Variants in EPS15 observed in about 807,000 individuals in gnomAD.
EPS15 encodes epidermal growth factor receptor substrate 15.
Under a neutral mutation model 113.8 loss-of-function variants are expected in EPS15, and 72 were observed. The ratio of observed to expected loss-of-function variants is 0.63; its 90% CI spans 0.52 to 0.77. EPS15 has a LOEUF of 0.77. EPS15 is among the 30% of genes least tolerant of loss of function. The probability of loss-of-function intolerance (pLI) is 0.00; values close to 1 mark genes in which losing one functional copy is unlikely to be tolerated. For synonymous variants in EPS15, 344 were observed against 363.4 expected (o/e 0.95, Z 0.61); for missense variants, 1,048 against 1,045.8 (o/e 1.00, Z -0.03).
At chr1:51,450,490 T>C (rs1653453722) in intron 8 of EPS15, among the ~76,000 whole-genome samples, 1 of 151,762 alleles carries the variant, frequency 6.6e-6, no homozygotes, top group African/African-American at 2.4e-5. Flanking sequence ...TATTTGACAG[T>C]TACTCCTTTC....
intron 23 of EPS15, among the ~76,000 whole-genome samples, 161 bp downstream of exon 23, chr1:51,363,705 T>C (rs934777049): frequency 6.6e-5 from 10 of 152,260 alleles, no homozygotes; most frequent in Non-Finnish European, 1.5e-4. Context: ...AGTGCATGTC[T>C]GTAATTCAGC....
At chr1:51,457,981 A>G (rs1263862730) in intron 8 of EPS15, 4 of 152,222 alleles carry the variant, frequency 2.6e-5, no homozygotes, top group Non-Finnish European at 5.9e-5. Flanking sequence ...AAGTGCTATT[A>G]TCTTAAAAAC....
intron 24 of EPS15, 42 bp downstream of exon 24, chr1:51,361,129 T>TAATCTC: frequency 6.8e-7 from 1 of 1,473,992 alleles, no homozygotes; most frequent in Non-Finnish European, 9.3e-7. Context: ...CTGAAAACTC[T>TAATCTC]TTAAAGATTT....
intron 1 of EPS15, among the ~76,000 whole-genome samples, chr1:51,484,742 T>C (rs890192806): frequency 1.3e-5 from 2 of 152,204 alleles, no homozygotes; most frequent in Non-Finnish European, 2.9e-5. Context: ...TCTTGCAAAA[T>C]ATTAGGAGAA....
At chr1:51,412,821 A>G (rs566661298) in intron 13 of EPS15, among the ~76,000 whole-genome samples, 52 of 152,300 alleles carry the variant, frequency 3.4e-4, no homozygotes, top group African/African-American at 1.1e-3. Flanking sequence ...TCTCTCTTTA[A>G]GCTGTTTACC....
At chr1:51,447,159 T>A (rs1653129875) in intron 9 of EPS15, 54 bp from the exon 10 acceptor site, 10 of 1,488,384 alleles carry the variant, frequency 6.7e-6, no homozygotes, top group South Asian at 1.3e-5. Context: ...AACTTTGAAG[T>A]GTCACTCTTT....
intron 3 of EPS15, among the ~76,000 whole-genome samples, chr1:51,472,157 C>A (rs923724932): frequency 6.6e-6 from 1 of 152,076 alleles, no homozygotes; most frequent in African/African-American, 2.4e-5. Flanking sequence ...GATACTAAGG[C>A]CCAATGAGGG....
intron 8 of EPS15, among the ~76,000 whole-genome samples, chr1:51,457,129 CA>C (rs897520870): frequency 6.6e-6 from 1 of 151,294 alleles, no homozygotes; most frequent in Non-Finnish European, 1.5e-5. Flanking sequence ...ACTAAAAATA[CA>C]AAAAAAATTA....
chr1:51,506,478 C>T (rs1232215476), intron 1 of EPS15, among the ~76,000 whole-genome samples: 1 of 152,002 alleles, frequency 6.6e-6, no homozygotes, highest in Admixed American at 6.6e-5. Flanking sequence ...GTCAATTATA[C>T]ATTTAAAAAC....
At chr1:51,394,656 T>C (rs967599429) in intron 20 of EPS15, among the ~76,000 whole-genome samples, 1 of 152,176 alleles carries the variant, frequency 6.6e-6, no homozygotes, top group African/African-American at 2.4e-5. Context: ...AAATATAACA[T>C]CTATTCAGAA....
At position 51,406,119 on chromosome 1, in the gene EPS15, A is replaced by G. The variant is rs1345941796; in HGVS notation, c.1474-11T>C. Reference sequence around the variant, plus strand: ...CAGTTTCATTTGCATCTGCCAACACAAAGAAGAAATATAGAACAGAATTTA... The same window carrying G: ...CAGTTTCATTTGCATCTGCCAACACGAAGAAGAAATATAGAACAGAATTTA... On this transcript the variant is annotated splice_polypyrimidine_tract_variant and intron_variant, in intron 15 of 24. Coordinates refer to ENST00000371733, the MANE Select transcript of EPS15 (RefSeq NM_001981.3). The G allele has an allele frequency of 1.2e-6, 2 of 1,609,568 alleles. No homozygotes were observed. Among genetic ancestry groups the G allele is most frequent in the South Asian group, 1.1e-5 (1 of 90,880 alleles).
intron 11 of EPS15, among the ~76,000 whole-genome samples, chr1:51,443,671 C>T (rs2148478064): frequency 6.6e-6 from 1 of 151,746 alleles, no homozygotes; most frequent in South Asian, 2.1e-4. Flanking sequence ...TTTTAAGAGA[C>T]AGGGTCTTGC....
chr1:51,438,247 T>C (rs1458961229), intron 12 of EPS15, among the ~76,000 whole-genome samples: 1 of 152,174 alleles, frequency 6.6e-6, no homozygotes. Context: ...AATGTGACTA[T>C]ACCCTAAAAA....
At chr1:51,392,428 G>C (rs2148403153) in intron 21 of EPS15, among the ~76,000 whole-genome samples, 2 of 152,156 alleles carry the variant, frequency 1.3e-5, no homozygotes, top group South Asian at 4.1e-4. Context: ...CACCCTCCTA[G>C]GCTATTATCA....
chr1:51,501,770 C>T (rs866889650), intron 1 of EPS15, among the ~76,000 whole-genome samples: 1 of 152,116 alleles, frequency 6.6e-6, no homozygotes, highest in South Asian at 2.1e-4. Flanking sequence ...AGAGCGGCTG[C>T]ACCCTGCCAC....
intron 21 of EPS15, among the ~76,000 whole-genome samples, chr1:51,392,489 CAGA>C (rs1647482336): frequency 6.6e-6 from 1 of 152,262 alleles, no homozygotes; most frequent in African/African-American, 2.4e-5. Flanking sequence ...GGAATTTAAG[CAGA>C]AGATCAACAG....
At chr1:51,389,627 G>A (rs1418993700) in intron 21 of EPS15, among the ~76,000 whole-genome samples, 13 of 152,224 alleles carry the variant, frequency 8.5e-5, no homozygotes, top group Admixed American at 6.5e-5. Context: ...AAAGTCTCAG[G>A]ATACAAAATC....
chr1:51,398,339 C>T (rs1236040053), intron 20 of EPS15, among the ~76,000 whole-genome samples: 1 of 152,190 alleles, frequency 6.6e-6, no homozygotes, highest in Non-Finnish European at 1.5e-5. Context: ...AGGCGTGAGC[C>T]ACCGCGCCCA....
At chr1:51,448,824 C>T (rs548003786) in intron 8 of EPS15, among the ~76,000 whole-genome samples, 4 of 152,256 alleles carry the variant, frequency 2.6e-5, no homozygotes, top group African/African-American at 9.6e-5. Flanking sequence ...TAAATAAAAG[C>T]TCTCTGCCCT....
Sources: allele counts gnomAD v4.1 joint callset (sites outside exome capture counted in the v4.1 genomes callset), GRCh38; gene constraint gnomAD v4.1.1; transcripts MANE v1.5; gene names NCBI Gene and HGNC (gene_info 2026-07-23, HGNC 2026-07-21).